Variants in RANBP3L observed in about 807,000 individuals in gnomAD.
The protein encoded by RANBP3L is RAN binding protein 3 like.
A neutral mutation model predicts 67.2 loss-of-function variants in RANBP3L; 56 were observed. That is an observed-to-expected ratio of 0.83 (90% CI 0.67 to 1.04). The LOEUF is 1.04. RANBP3L is among the 50% of genes least tolerant of loss of function. The pLI is 0.00. For synonymous variants in RANBP3L, 164 were observed against 181.4 expected, an observed-to-expected ratio of 0.90 and a Z score of 0.77; for missense variants, 496 against 535.5, an observed-to-expected ratio of 0.93 and a Z score of 0.73.
intron 1 of RANBP3L, among the ~76,000 whole-genome samples, chr5:36,277,799 A>G (rs1750698821): frequency 6.6e-6 from 1 of 152,094 alleles, no homozygotes; most frequent in Admixed American, 6.6e-5. Context: ...ATAAAGACAC[A>G]CCCAAGACTG....
Position 36,251,300 on chromosome 5 carries a change from A to G in RANBP3L, c.1354+13T>C, listed in dbSNP as rs1156456030. ...TTTTAAACCTCTGAACTAACAAAAC[A>G]AAAGCTATTTACCTGATCCATTTTT... On this transcript the variant is annotated intron_variant, in intron 13 of 13. Transcript: ENST00000296604. The G allele has an allele frequency of 1.2e-6, 2 of 1,601,780 alleles. No homozygotes were observed. Among genetic ancestry groups the G allele is most frequent in the Non-Finnish European group, 1.7e-6 (2 of 1,172,762 alleles).
intron 6 of RANBP3L, among the ~76,000 whole-genome samples, chr5:36,263,598 G>A (rs1254431514): frequency 1.3e-5 from 2 of 151,826 alleles, no homozygotes; most frequent in Admixed American, 1.3e-4. Flanking sequence ...AGACAGTCTG[G>A]CTCTGTCACC....
At chr5:36,260,888 A>C in intron 7 of RANBP3L, 24 bp from the exon 8 acceptor site, 1 of 1,019,860 alleles carries the variant, frequency 9.8e-7, no homozygotes, top group South Asian at 1.4e-5. Context: ...ATAAGCATTT[A>C]CTATTTTAAA....
intron 1 of RANBP3L, among the ~76,000 whole-genome samples, chr5:36,292,582 G>C (rs1216754694): frequency 6.6e-6 from 1 of 152,242 alleles, no homozygotes; most frequent in African/African-American, 2.4e-5. Context: ...TTTGTATAAG[G>C]TGTAAGGAAG....
chr5:36,281,308 A>G (rs1482583581), intron 1 of RANBP3L, among the ~76,000 whole-genome samples: 1 of 152,208 alleles, frequency 6.6e-6, no homozygotes, highest in East Asian at 1.9e-4. Context: ...AGAAATGCTC[A>G]GTAAGCTGCA....
chr5:36,273,935 A>T (rs1320299330), intron 1 of RANBP3L, among the ~76,000 whole-genome samples: 1 of 152,102 alleles, frequency 6.6e-6, no homozygotes, highest in Non-Finnish European at 1.5e-5. Flanking sequence ...ACTGGAAACT[A>T]CTCCTCTACC....
At position 36,264,941 on chromosome 5, in the gene RANBP3L, T is replaced by C. The variant is rs776716687; in HGVS notation, c.480+18A>G. ...GATGAGGGATTGAGGTCAGTTCCGT[T>C]ATCCTGGGCTTTCTCACCTTATTAT... On this transcript the variant is annotated intron_variant, in intron 6 of 13. Transcript: ENST00000296604. The C allele has an allele frequency of 3.9e-5, 63 of 1,607,180 alleles. 1 individual carries two copies. In the South Asian group the frequency reaches 6.3e-4, roughly 16 times the overall value.
At chr5:36,265,670 T>A (rs1322363597) in intron 4 of RANBP3L, 150 bp from the exon 5 acceptor site, 15 of 469,332 alleles carry the variant, frequency 3.2e-5, no homozygotes, top group South Asian at 2.8e-4. Context: ...GAGCACTGGC[T>A]CTGCGAAAAA....
chr5:36,288,461 C>T (rs1045299230), intron 1 of RANBP3L, among the ~76,000 whole-genome samples: 1 of 152,092 alleles, frequency 6.6e-6, no homozygotes, highest in Non-Finnish European at 1.5e-5. Flanking sequence ...GCAAGGCTTT[C>T]GTGGATATAT....
chr5:36,277,440 A>ATATATG (rs1359327549), intron 1 of RANBP3L, among the ~76,000 whole-genome samples: 1 of 114,988 alleles, frequency 8.7e-6, no homozygotes, highest in African/African-American at 3.5e-5. Flanking sequence ...ATATATATAT[A>ATATATG]TGTGTGTGTG....
At chr5:36,288,106 C>T (rs553502895) in intron 1 of RANBP3L, among the ~76,000 whole-genome samples, 1 of 152,272 alleles carries the variant, frequency 6.6e-6, no homozygotes, top group Non-Finnish European at 1.5e-5. Context: ...GTAACCAAAA[C>T]CCTATCAAGA....
At chr5:36,295,528 A>G (rs1167615957) in intron 1 of RANBP3L, among the ~76,000 whole-genome samples, 2 of 152,172 alleles carry the variant, frequency 1.3e-5, no homozygotes, top group African/African-American at 4.8e-5. Context: ...TAAATTACCC[A>G]GCCTCAGGGA....
intron 1 of RANBP3L, among the ~76,000 whole-genome samples, chr5:36,298,688 T>C (rs1752405059): frequency 6.6e-6 from 1 of 152,236 alleles, no homozygotes; most frequent in Non-Finnish European, 1.5e-5. Flanking sequence ...CAGCAATCAA[T>C]GGCCAGTCTG....
intron 12 of RANBP3L, 61 bp from the exon 13 acceptor site, chr5:36,251,560 T>A: frequency 7.5e-7 from 1 of 1,338,608 alleles, no homozygotes. Context: ...ATTTTACAGA[T>A]TTTTAATCTT....
intron 1 of RANBP3L, among the ~76,000 whole-genome samples, chr5:36,277,440 ATGTGTGTGTGTGTGTG>A (rs149996886): frequency 8.0e-4 from 92 of 115,022 alleles, no homozygotes; most frequent in African/African-American, 2.1e-3. Flanking sequence ...ATATATATAT[ATGTGTGTGTGTGTGTG>A]TGTGTGTGTG....
chr5:36,257,115 T>A, intron 9 of RANBP3L, 44 bp from the exon 10 acceptor site: 1 of 1,561,808 alleles, frequency 6.4e-7, no homozygotes, highest in East Asian at 2.3e-5. Flanking sequence ...CCCCATTTTC[T>A]CTACTGTGAA....
intron 1 of RANBP3L, among the ~76,000 whole-genome samples, chr5:36,287,723 T>C (rs1269892006): frequency 6.6e-6 from 1 of 152,236 alleles, no homozygotes; most frequent in African/African-American, 2.4e-5. Flanking sequence ...TATCCTGTGC[T>C]AATCTCATTG....
At position 36,258,297 on chromosome 5, in the gene RANBP3L, G is replaced by C. The variant is rs1561100631; in HGVS notation, c.670-741C>G. ...GCCCTCTGCAAAACACAGAGAACTG[G>C]AACAATGATACTTAAGAACTTAGGC... On this transcript the variant is annotated intron_variant, in intron 8 of 13. Transcript: ENST00000296604. Among the ~76,000 whole-genome samples, 3 of 152,278 alleles carry C rather than the reference G, an allele frequency of 2.0e-5. No homozygotes were observed. The South Asian group carries it at 6.2e-4, about 32-fold the overall frequency.
intron 4 of RANBP3L, among the ~76,000 whole-genome samples, chr5:36,266,869 G>T (rs1749830822): frequency 6.6e-6 from 1 of 151,836 alleles, no homozygotes; most frequent in South Asian, 2.1e-4. Context: ...CGATTCTCTT[G>T]CCTCAGCGCC....
Sources: gnomAD v4.1 joint callset for allele counts (sites outside exome capture counted in the v4.1 genomes callset) on GRCh38, gnomAD v4.1.1 for gene constraint, MANE v1.5 for transcripts, NCBI Gene and HGNC (gene_info 2026-07-23, HGNC 2026-07-21) for gene names.